The following NTRK2 variants were observed in gnomAD, a reference collection of about 807,000 sequenced individuals.
NTRK2 encodes neurotrophic receptor tyrosine kinase 2, also known as BDNF/NT-3 growth factors receptor.
A neutral mutation model predicts 94.5 loss-of-function variants in NTRK2; 13 were observed. The observed-to-expected ratio is 0.14, with a 90% CI of 0.09 to 0.22. NTRK2 has a LOEUF of 0.22. NTRK2 is among the 10% of genes least tolerant of loss of function. The pLI is 1.00. For synonymous variants in NTRK2, 372 were observed against 407.4 expected (o/e 0.91, Z 1.05); for missense variants, 639 against 1,071.2 (o/e 0.60, Z 5.63).
chr9:84,739,359 T>C (rs1014169646), intron 9 of NTRK2, among the ~76,000 whole-genome samples: 18 of 152,200 alleles, frequency 1.2e-4, no homozygotes, highest in Non-Finnish European at 2.5e-4. Flanking sequence ...CCCTGGCCTA[T>C]TTTTTAGATT....
At chr9:84,844,030 G>A (rs2074332034) in intron 12 of NTRK2, among the ~76,000 whole-genome samples, 1 of 152,214 alleles carries the variant, frequency 6.6e-6, no homozygotes. Context: ...TAGGGTGTAA[G>A]AGGGGAGATA....
intron 4 of NTRK2, among the ~76,000 whole-genome samples, chr9:84,707,398 A>T (rs1304995809): frequency 6.6e-6 from 1 of 152,170 alleles, no homozygotes; most frequent in Non-Finnish European, 1.5e-5. Context: ...TTCAGTTAAT[A>T]TTCAGAGTTT....
Position 84,707,928 on chromosome 9 carries a change from G to T in NTRK2, c.428+16G>T, listed in dbSNP as rs1352010200. The T allele has an allele frequency of 6.2e-7, 1 of 1,606,444 alleles. No homozygotes were observed. Among genetic ancestry groups the T allele is most frequent in the Admixed American group, 1.7e-5 (1 of 59,988 alleles). On this transcript the variant is annotated intron_variant, in intron 5 of 18. Transcript: ENST00000277120. ...TGTCTGAACTGTAAGTAATGATTTT[G>T]TGTGGCATTTGGGGAAATGTTTTCA...
At chr9:84,815,701 C>A in intron 12 of NTRK2, 1 of 1,008,828 alleles carries the variant, frequency 9.9e-7, no homozygotes, top group Non-Finnish European at 1.2e-6. Context: ...TTTGATAATT[C>A]ATCTCCATGT....
chr9:84,806,722 C>G (rs1168030807), intron 12 of NTRK2, among the ~76,000 whole-genome samples: 2 of 152,210 alleles, frequency 1.3e-5, no homozygotes, highest in Non-Finnish European at 2.9e-5. Flanking sequence ...ATATAAAGTG[C>G]TCCACAAATA....
intron 12 of NTRK2, among the ~76,000 whole-genome samples, chr9:84,836,290 G>A (rs79120781): frequency 0.028 from 4,329 of 152,190 alleles, 114 homozygotes; most frequent in East Asian, 0.097. Flanking sequence ...CCTATGATCT[G>A]CCCTGTTCTT....
intron 14 of NTRK2, chr9:84,871,749 C>T (rs201291250): frequency 2.6e-5 from 41 of 1,575,150 alleles, no homozygotes; most frequent in African/African-American, 6.7e-5. Context: ...GAATTCCTCC[C>T]GAGCACTTTC....
In NTRK2 at chr9:84,670,908, G is replaced by A. The variant is rs2058659147; in HGVS notation, c.160G>A (p.Ala54Thr). ...WCSDPSPGIV[A>T]FPRLEPNSVD... is the part of the protein sequence containing the mutation. ...CAGCGACCCTTCTCCTGGCATCGTG[G>A]CATTTCCGAGATTGGAGCCTAACAG... Residue 54 changes from alanine to threonine, a missense_variant, in exon 2 of 19, where the codon GCA (alanine) becomes ACA (threonine). Around this residue, in one of 5 missense-constraint regions of NTRK2, gnomAD observed 206 missense variants for 251.5 expected, o/e 0.82. Transcript: ENST00000277120. The A allele has an allele frequency of 6.2e-7, 1 of 1,610,896 alleles. No individual in the cohort carries two copies. The highest frequency in any genetic ancestry group is 1.3e-5 in the African/African-American group (1 of 75,070).
intron 10 of NTRK2, among the ~76,000 whole-genome samples, chr9:84,743,644 C>T (rs1247238996): frequency 6.6e-6 from 1 of 152,170 alleles, no homozygotes; most frequent in Non-Finnish European, 1.5e-5. Flanking sequence ...TTGACCCTTT[C>T]CCAGTTAATT....
At chr9:84,999,291 T>C (rs1453119097) in intron 17 of NTRK2, among the ~76,000 whole-genome samples, 4 of 152,218 alleles carry the variant, frequency 2.6e-5, no homozygotes, top group Non-Finnish European at 5.9e-5. Context: ...GAGTCCTCAA[T>C]TGTGACTCCT....
intron 14 of NTRK2, among the ~76,000 whole-genome samples, chr9:84,882,339 A>C (rs1407047600): frequency 6.6e-6 from 1 of 152,180 alleles, no homozygotes; most frequent in Non-Finnish European, 1.5e-5. Context: ...CATACTATAA[A>C]ACACTGTTTA....
Position 84,670,712 on chromosome 9 carries a change from CGGGGACAGGCACTCGGGCTGGCACT to C in NTRK2, c.-34_-10del. 6.2e-7 allele frequency: 1 copy of C among 1,602,206 alleles called. No individual in the cohort carries two copies. Among genetic ancestry groups the C allele is most frequent in the East Asian group, 2.2e-5 (1 of 44,838 alleles). On this transcript the variant is annotated 5_prime_UTR_variant, in exon 2 of 19. Coordinates refer to ENST00000277120, the MANE Select transcript of NTRK2 (RefSeq NM_006180.6). ...GTGGGGGAAAGCGGCCGGTGCAGCG[CGGGGACAGGCACTCGGGCTGGCACT>C]GGCTGCTAGGGATGTCGTCCTGGAT...
At chr9:84,744,172 T>C (rs1310093999) in intron 10 of NTRK2, among the ~76,000 whole-genome samples, 1 of 152,178 alleles carries the variant, frequency 6.6e-6, no homozygotes, top group Non-Finnish European at 1.5e-5. Flanking sequence ...GCAATATTGC[T>C]AATAAAAACT....
At chr9:84,930,456 A>C (rs2077983449) in intron 14 of NTRK2, among the ~76,000 whole-genome samples, 1 of 152,158 alleles carries the variant, frequency 6.6e-6, no homozygotes, top group South Asian at 2.1e-4. Context: ...GCTTCAAGAC[A>C]GCTGGGGCTC....
At chr9:84,730,273 C>T (rs2062745458) in intron 9 of NTRK2, among the ~76,000 whole-genome samples, 3 of 152,170 alleles carry the variant, frequency 2.0e-5, no homozygotes, top group Admixed American at 6.5e-5. Context: ...CCCAGGGTGA[C>T]AGTGGATATA....
chr9:85,006,839 A>G (rs902721738), intron 17 of NTRK2, among the ~76,000 whole-genome samples: 4 of 152,176 alleles, frequency 2.6e-5, no homozygotes, highest in Non-Finnish European at 2.9e-5. Flanking sequence ...CAGATCAGCT[A>G]CTGTCCATTT....
chr9:84,940,501 A>G (rs1174940117), intron 15 of NTRK2, among the ~76,000 whole-genome samples: 2 of 152,174 alleles, frequency 1.3e-5, no homozygotes, highest in Non-Finnish European at 2.9e-5. Context: ...TCACTTGCTG[A>G]TTCCCCAAGA....
chr9:84,869,218 T>A (rs1206168011), intron 14 of NTRK2, among the ~76,000 whole-genome samples: 1 of 152,172 alleles, frequency 6.6e-6, no homozygotes, highest in African/African-American at 2.4e-5. Context: ...GGGTTCCTTT[T>A]GGAGCAGTCT....
At chr9:84,937,387 T>C (rs569689819) in intron 15 of NTRK2, among the ~76,000 whole-genome samples, 1 of 152,336 alleles carries the variant, frequency 6.6e-6, no homozygotes, top group South Asian at 2.1e-4. Flanking sequence ...CTGACTCTGG[T>C]GTGAAATCTA....
Sources: gnomAD v4.1 joint callset for allele counts (sites outside exome capture counted in the v4.1 genomes callset) on GRCh38, gnomAD v4.1.1 for gene constraint, gnomAD v4.1.1 regional missense constraint, MANE v1.5 for transcripts, NCBI Gene and HGNC (gene_info 2026-07-23, HGNC 2026-07-21) for gene names.